The following CACNA1E variants were observed in gnomAD, a reference collection of about 807,000 sequenced individuals.
CACNA1E encodes calcium voltage-gated channel subunit alpha1 E, also known as voltage-dependent R-type calcium channel subunit alpha-1E.
A neutral mutation model predicts 259.2 loss-of-function variants in CACNA1E; 40 were observed. The observed-to-expected ratio is 0.15, with a 90% CI of 0.12 to 0.20. CACNA1E has a LOEUF of 0.20. CACNA1E is among the 10% of genes least tolerant of loss of function. CACNA1E has a pLI of 1.00. For missense variants in CACNA1E, 1,874 were observed against 3,040.1 expected (o/e 0.62, Z 9.02); for synonymous variants, 1,104 against 1,138.5 (o/e 0.97, Z 0.61).
intron 1 of CACNA1E, among the ~76,000 whole-genome samples, chr1:181,495,551 C>T (rs1056941710): frequency 1.3e-5 from 2 of 152,212 alleles, no homozygotes; most frequent in Non-Finnish European, 2.9e-5. Flanking sequence ...GATACATAAA[C>T]ATTAAACTTC....
At chr1:181,447,360 T>TA (rs879611961) in intron 2 of CACNA1E, among the ~76,000 whole-genome samples, 129 of 135,034 alleles carry the variant, frequency 9.6e-4, no homozygotes, top group East Asian at 2.5e-3. Context: ...ACCTCATCTC[T>TA]AAAAAAAAAA....
intron 7 of CACNA1E, among the ~76,000 whole-genome samples, chr1:181,686,279 T>TTTTTTTTTTTTTTTTG (rs1650536696): frequency 1.7e-5 from 2 of 118,932 alleles, no homozygotes; most frequent in Non-Finnish European, 3.5e-5. Context: ...AACCAAGTTT[T>TTTTTTTTTTTTTTTTG]TTTTTTTTTT....
chr1:181,733,101 G>A (rs1655671045), intron 20 of CACNA1E, 67 bp downstream of exon 20: 5 of 1,454,896 alleles, frequency 3.4e-6, no homozygotes, highest in East Asian at 2.5e-5. Context: ...CTCAATATAA[G>A]CCTTTCTGAG....
At chr1:181,710,888 G>A (rs1653284673) in intron 7 of CACNA1E, 66 bp from the exon 8 acceptor site, 2 of 1,124,438 alleles carry the variant, frequency 1.8e-6, no homozygotes, top group Non-Finnish European at 2.7e-6. Context: ...TCTGTTGCTT[G>A]ATTCACTCTT....
At chr1:181,784,808 C>A in intron 41 of CACNA1E, 40 bp downstream of exon 41, 1 of 1,247,594 alleles carries the variant, frequency 8.0e-7, no homozygotes, top group Non-Finnish European at 1.1e-6. Context: ...ACTGTGGGCC[C>A]AGCATGTGAA....
intron 6 of CACNA1E, among the ~76,000 whole-genome samples, chr1:181,593,413 A>G (rs1470644374): frequency 6.6e-6 from 1 of 152,192 alleles, no homozygotes; most frequent in Non-Finnish European, 1.5e-5. Flanking sequence ...TATATTTTGT[A>G]CATATTGAAA....
chr1:181,374,204 T>C (rs1654924350), intron 1 of CACNA1E, among the ~76,000 whole-genome samples: 1 of 152,198 alleles, frequency 6.6e-6, no homozygotes, highest in Non-Finnish European at 1.5e-5. Context: ...ATGTTTGATC[T>C]TTGTTTTCAT....
In CACNA1E at chr1:181,732,838, C is replaced by G; in HGVS notation, c.2752C>G (p.Gln918Glu). The G allele has an allele frequency of 1.2e-6, 2 of 1,613,264 alleles. No individual in the cohort carries two copies. Among genetic ancestry groups the G allele is most frequent in the South Asian group, 2.2e-5 (2 of 90,982 alleles). ...FEDRARHRQSQRRSRHRRVRT... is the reference protein window; with the variant it reads ...FEDRARHRQSERRSRHRRVRT... The stretch of plus-strand genomic sequence containing the variant: ...GGACCGGGCCAGGCACAGGCAGAGC[C>G]AACGGCGCAGCCGGCATCGCCGCGT... Residue 918 changes from glutamine to glutamate, a missense_variant, in exon 20 of 48, where the codon CAA (glutamine) becomes GAA (glutamate). Gln to Glu is a conservative substitution (Grantham distance 29, BLOSUM62 2). Transcript: ENST00000367573. The surrounding 1 kb of genome is among the most constrained non-coding windows in gnomAD (Gnocchi z 5.5).
At chr1:181,678,606 A>G (rs1389964635) in intron 7 of CACNA1E, among the ~76,000 whole-genome samples, 3 of 152,232 alleles carry the variant, frequency 2.0e-5, no homozygotes, top group Non-Finnish European at 4.4e-5. Context: ...TGGGGTAAAT[A>G]CAGACATACA....
At chr1:181,460,407 A>C (rs1661726625) in intron 2 of CACNA1E, among the ~76,000 whole-genome samples, 1 of 152,200 alleles carries the variant, frequency 6.6e-6, no homozygotes, top group South Asian at 2.1e-4. Context: ...ACAAGGCTGT[A>C]CTGAGAAGCA....
At chr1:181,444,864 C>T (rs1558009941) in intron 2 of CACNA1E, among the ~76,000 whole-genome samples, 1 of 152,060 alleles carries the variant, frequency 6.6e-6, no homozygotes, top group Non-Finnish European at 1.5e-5. Context: ...GCTTGGAGTC[C>T]CCTGGGGTTG....
chr1:181,723,052 A>G (rs1654554120), intron 16 of CACNA1E, among the ~76,000 whole-genome samples: 1 of 152,224 alleles, frequency 6.6e-6, no homozygotes, highest in African/African-American at 2.4e-5. Flanking sequence ...GACTTCAGGC[A>G]CTAGAGTATG....
At chr1:181,433,766 T>TAACA (rs1659883478) in intron 2 of CACNA1E, among the ~76,000 whole-genome samples, 1 of 152,236 alleles carries the variant, frequency 6.6e-6, no homozygotes, top group Admixed American at 6.5e-5. Context: ...GTGAGCGTTA[T>TAACA]AACAATATCA....
At chr1:181,631,880 C>G (rs1656779724) in intron 6 of CACNA1E, among the ~76,000 whole-genome samples, 1 of 152,260 alleles carries the variant, frequency 6.6e-6, no homozygotes. Context: ...TTCCTAGATC[C>G]CTTTGAAGAC....
chr1:181,713,266 A>C (rs1031421861), intron 8 of CACNA1E, among the ~76,000 whole-genome samples: 4 of 152,204 alleles, frequency 2.6e-5, no homozygotes, highest in African/African-American at 9.6e-5. Flanking sequence ...TGTGCACAGC[A>C]AAAGTGACTT....
intron 2 of CACNA1E, among the ~76,000 whole-genome samples, chr1:181,417,609 A>G (rs924461717): frequency 1.3e-5 from 2 of 151,974 alleles, no homozygotes; most frequent in African/African-American, 4.8e-5. Context: ...GATGACTGCC[A>G]CCTCCAGTTG....
chr1:181,487,561 A>T (rs1037498148), intron 1 of CACNA1E, among the ~76,000 whole-genome samples: 1 of 152,202 alleles, frequency 6.6e-6, no homozygotes, highest in Admixed American at 6.5e-5. Context: ...AAAAATGCTA[A>T]TGTGATTTAA....
intron 6 of CACNA1E, among the ~76,000 whole-genome samples, chr1:181,605,027 G>A (rs1380713152): frequency 6.6e-6 from 1 of 152,106 alleles, no homozygotes; most frequent in Non-Finnish European, 1.5e-5. Context: ...ACGCTGTCTA[G>A]TTGATAGCTC....
intron 1 of CACNA1E, among the ~76,000 whole-genome samples, chr1:181,406,280 TAA>T (rs1657455298): frequency 6.6e-6 from 1 of 152,236 alleles, no homozygotes; most frequent in Non-Finnish European, 1.5e-5. Flanking sequence ...AATACAAACA[TAA>T]GTTATTTTAC....
Sources: gnomAD v4.1 joint callset for allele counts (sites outside exome capture counted in the v4.1 genomes callset) on GRCh38, gnomAD v4.1.1 for gene constraint, Gnocchi (gnomAD v3.1) non-coding constraint, MANE v1.5 for transcripts, NCBI Gene and HGNC (gene_info 2026-07-23, HGNC 2026-07-21) for gene names.